Variants in PCDHA5 observed in about 807,000 individuals in gnomAD.
The protein encoded by PCDHA5 is protocadherin alpha-5.
A neutral mutation model predicts 61.6 loss-of-function variants in PCDHA5; 43 were observed. The observed-to-expected ratio is 0.70, with a 90% confidence interval of 0.55 to 0.90. The LOEUF (loss-of-function observed/expected upper bound fraction) is 0.90, where lower values mean the gene tolerates loss of function less well. PCDHA5 is among the 40% of genes least tolerant of loss of function. The probability of loss-of-function intolerance (pLI) is 0.00; values close to 1 mark genes in which losing one functional copy is unlikely to be tolerated. For synonymous variants in PCDHA5, 627 were observed against 543.9 expected (o/e 1.15, Z -2.13); for missense variants, 1,298 against 1,222.7 (o/e 1.06, Z -0.92).
At chr5:140,841,243 T>G in intron 1 of PCDHA5, 1 of 1,494,736 alleles carries the variant, frequency 6.7e-7, no homozygotes, top group Non-Finnish European at 9.0e-7. Flanking sequence ...GCAGCGGAAT[T>G]GGATTAAAAG....
At chr5:140,892,363 G>T (rs1485881453) in intron 1 of PCDHA5, among the ~76,000 whole-genome samples, 1 of 152,120 alleles carries the variant, frequency 6.6e-6, no homozygotes, top group African/African-American at 2.4e-5. Context: ...CAGGCATCTT[G>T]GGGCACTAGC....
chr5:140,941,191 T>TTTTTCTTTCTTTC lies in PCDHA5; in HGVS notation c.2353-37755_2353-37754insTCTTTCTTTCTTT, dbSNP rs1554213809. On this transcript the variant is annotated intron_variant, in intron 1 of 3. Transcript: ENST00000529859. ...CATCTTGAACATCCTGCTTCTTTTT[T>TTTTTCTTTCTTTC]TTTCTTTCTTCCTTTCTTTCTTCCT... Among the ~76,000 whole-genome samples the TTTTTCTTTCTTTC allele has an allele frequency of 1.3e-4, 12 of 93,256 alleles. No individual in the cohort carries two copies. In the East Asian group the frequency reaches 2.9e-3, roughly 23 times the overall value. 61.2% of individuals were successfully genotyped at this position (93,256 alleles called of 152,430 possible). A position where few individuals can be genotyped will look rare whatever the true frequency, so the allele number is the denominator to read the frequency against.
chr5:140,842,525 A>G, intron 1 of PCDHA5: 1 of 1,613,292 alleles, frequency 6.2e-7, no homozygotes, highest in Non-Finnish European at 8.5e-7. Flanking sequence ...GTCCACCTTC[A>G]AGAATTACTA....
intron 3 of PCDHA5, among the ~76,000 whole-genome samples, chr5:140,996,055 C>A (rs1289526573): frequency 6.6e-6 from 1 of 152,164 alleles, no homozygotes; most frequent in Non-Finnish European, 1.5e-5. Flanking sequence ...GTGCTTGGCA[C>A]ACAGTAAAGA....
rs781970935 is a variant in PCDHA5 at position 140,982,505 on chromosome 5, A to G, written c.2442A>G (p.Leu814=). The change falls in exon 3 of 4, where the codon CTA becomes CTG. Residue 814 remains leucine (L), a synonymous_variant. Coordinates refer to ENST00000529859, the MANE Select transcript of PCDHA5 (RefSeq NM_018908.3). ...TGCACCTAGAGGAGGCTGGCATTCT[A>G]CGGGCTGGTCCAGGAGGGCCTGATC... ...SSVHLEEAGI[L]RAGPGGPDQQ... The G allele has an allele frequency of 1.2e-6, 2 of 1,614,220 alleles. No homozygotes were observed. The highest frequency in any genetic ancestry group is 8.5e-7 in the Non-Finnish European group (1 of 1,180,032).
intron 1 of PCDHA5, among the ~76,000 whole-genome samples, chr5:140,950,241 G>T (rs191139851): frequency 2.0e-5 from 3 of 152,014 alleles, no homozygotes; most frequent in African/African-American, 4.8e-5. Flanking sequence ...CCATTAATTT[G>T]TTCCTAAAGA....
At chr5:140,849,773 C>G in intron 1 of PCDHA5, 1 of 1,598,418 alleles carries the variant, frequency 6.3e-7, no homozygotes, top group Non-Finnish European at 8.6e-7. Context: ...TGGTGGTTAC[C>G]GCGCGGGACG....
chr5:140,959,842 C>G (rs1219308136), intron 1 of PCDHA5, among the ~76,000 whole-genome samples: 2 of 152,118 alleles, frequency 1.3e-5, no homozygotes, highest in African/African-American at 4.8e-5. Context: ...ATGCCTGTAA[C>G]TGCTAAAGGA....
At chr5:140,956,085 A>T (rs1338013265) in intron 1 of PCDHA5, among the ~76,000 whole-genome samples, 1 of 152,214 alleles carries the variant, frequency 6.6e-6, no homozygotes, top group Admixed American at 6.5e-5. Context: ...GGATCATGTC[A>T]TCTGCAAACA....
chr5:140,890,128 G>T (rs1402157838), intron 1 of PCDHA5, among the ~76,000 whole-genome samples: 2 of 152,156 alleles, frequency 1.3e-5, no homozygotes, highest in East Asian at 3.9e-4. Context: ...CACTTTGGTA[G>T]CTTGAAATTG....
chr5:140,976,644 A>G (rs1487728765), intron 1 of PCDHA5, among the ~76,000 whole-genome samples: 1 of 152,228 alleles, frequency 6.6e-6, no homozygotes, highest in Admixed American at 6.5e-5. Context: ...CAGACAAGTA[A>G]TTTAATCTCT....
chr5:140,889,814 CATA>C (rs1463937516), intron 1 of PCDHA5, among the ~76,000 whole-genome samples: 6 of 152,048 alleles, frequency 3.9e-5, no homozygotes, highest in Non-Finnish European at 7.4e-5. Context: ...GAAGTCAGGT[CATA>C]AGAAGTCTTA....
intron 1 of PCDHA5, among the ~76,000 whole-genome samples, chr5:140,880,149 A>G (rs1347832078): frequency 1.3e-5 from 2 of 152,266 alleles, no homozygotes; most frequent in Non-Finnish European, 2.9e-5. Flanking sequence ...AGTGCAATAT[A>G]TCAAGTATAT....
At chr5:140,975,876 A>G (rs573852863) in intron 1 of PCDHA5, among the ~76,000 whole-genome samples, 1 of 152,230 alleles carries the variant, frequency 6.6e-6, no homozygotes, top group South Asian at 2.1e-4. Context: ...TACCTAATTG[A>G]TTTTTTCCAC....
chr5:140,946,648 C>A (rs1195536248), intron 1 of PCDHA5, among the ~76,000 whole-genome samples: 2 of 99,274 alleles, frequency 2.0e-5, no homozygotes, highest in African/African-American at 1.2e-4. Flanking sequence ...GAATACTCAT[C>A]AGCCATTAGA....
At chr5:141,000,993 C>A (rs1273666357) in intron 3 of PCDHA5, among the ~76,000 whole-genome samples, 1 of 151,964 alleles carries the variant, frequency 6.6e-6, no homozygotes, top group Non-Finnish European at 1.5e-5. Context: ...AATAAATATG[C>A]TTTAAATATG....
chr5:140,987,391 G>A (rs1277678841), intron 3 of PCDHA5, among the ~76,000 whole-genome samples: 1 of 152,140 alleles, frequency 6.6e-6, no homozygotes, highest in Non-Finnish European at 1.5e-5. Flanking sequence ...ATGCATGCAA[G>A]GAAGCCATCT....
At chr5:140,852,957 C>A in intron 1 of PCDHA5, 1 of 439,404 alleles carries the variant, frequency 2.3e-6, no homozygotes, top group Non-Finnish European at 3.1e-6. Flanking sequence ...TGGCTCACTC[C>A]AAGCTCCCCC....
chr5:140,992,405 C>T (rs962261885), intron 3 of PCDHA5, among the ~76,000 whole-genome samples: 1 of 152,152 alleles, frequency 6.6e-6, no homozygotes, highest in Non-Finnish European at 1.5e-5. Context: ...AGATATTGTT[C>T]TGCCCCAGGT....
Sources: gnomAD v4.1 joint callset for allele counts (sites outside exome capture counted in the v4.1 genomes callset) on GRCh38, gnomAD v4.1.1 for gene constraint, MANE v1.5 for transcripts, NCBI Gene and HGNC (gene_info 2026-07-23, HGNC 2026-07-21) for gene names.